Variants in TBC1D12 observed in about 807,000 individuals in gnomAD.
The protein encoded by TBC1D12 is TBC1 domain family, member 12.
A neutral mutation model predicts 86.7 loss-of-function variants in TBC1D12; 56 were observed. That is an observed-to-expected ratio of 0.65 (90% CI 0.52 to 0.81). TBC1D12 has a LOEUF of 0.81. Ranked by LOEUF, TBC1D12 falls within the 30% of genes least tolerant of loss-of-function variation. The pLI is 0.00. For missense variants in TBC1D12, 1,023 were observed against 1,038.8 expected, an observed-to-expected ratio of 0.98 and a Z score of 0.21; for synonymous variants, 421 against 411.7, an observed-to-expected ratio of 1.02 and a Z score of -0.27.
chr10:94,501,341 A>G (rs1198294773), intron 6 of TBC1D12: 1 of 150,482 alleles, frequency 6.6e-6, no homozygotes, highest in Non-Finnish European at 1.5e-5. Context: ...CTGAGGCAGG[A>G]GAATTGCTTG....
At chr10:94,497,259 T>G (rs1480176363) in intron 5 of TBC1D12, 87 bp downstream of exon 5, 1 of 722,536 alleles carries the variant, frequency 1.4e-6, no homozygotes, top group Non-Finnish European at 2.1e-6. Context: ...ATTATTATAC[T>G]TTAAGTTTTA....
At chr10:94,487,861 TGGTTTTTTTTTTGTTTTTTTAGTAA>T (rs2056190760) in intron 3 of TBC1D12, among the ~76,000 whole-genome samples, 1 of 127,286 alleles carries the variant, frequency 7.9e-6, no homozygotes, top group Admixed American at 7.7e-5. Context: ...CATACCCAGC[TGGTTTTTTTTTTGTTTTTTTAGTAA>T]GGATGAAGTC....
intron 11 of TBC1D12, among the ~76,000 whole-genome samples, chr10:94,527,922 A>G (rs1842336606): frequency 6.6e-6 from 1 of 151,502 alleles, no homozygotes; most frequent in African/African-American, 2.4e-5. Flanking sequence ...ATTCTGTGCC[A>G]TTTTTCTATG....
intron 1 of TBC1D12, among the ~76,000 whole-genome samples, chr10:94,412,920 T>C (rs920946101): frequency 2.0e-5 from 3 of 152,196 alleles, no homozygotes; most frequent in Admixed American, 6.5e-5. Flanking sequence ...TTGTTAAGAA[T>C]GCAGATTCCT....
chr10:94,530,829 A>T (rs966382140), intron 11 of TBC1D12, among the ~76,000 whole-genome samples: 2 of 147,908 alleles, frequency 1.4e-5, no homozygotes, highest in Non-Finnish European at 3.0e-5. Flanking sequence ...TTAATTTCCC[A>T]CTACTCAAGT....
chr10:94,425,038 A>G (rs2055128475), intron 1 of TBC1D12, among the ~76,000 whole-genome samples: 1 of 152,230 alleles, frequency 6.6e-6, no homozygotes, highest in African/African-American at 2.4e-5. Context: ...TGCTTCTAGT[A>G]TGAGAAAGTT....
chr10:94,413,018 C>T (rs895697080), intron 1 of TBC1D12, among the ~76,000 whole-genome samples: 17 of 152,156 alleles, frequency 1.1e-4, no homozygotes, highest in Admixed American at 1.0e-3. Context: ...GGCGATTCCC[C>T]GACTATAACC....
intron 1 of TBC1D12, among the ~76,000 whole-genome samples, chr10:94,419,370 T>C (rs2055044965): frequency 6.6e-6 from 1 of 152,088 alleles, no homozygotes. Flanking sequence ...TAACCTGCAT[T>C]TTAGATTCAA....
At chr10:94,427,992 G>T (rs1265971455) in intron 1 of TBC1D12, among the ~76,000 whole-genome samples, 3 of 152,118 alleles carry the variant, frequency 2.0e-5, no homozygotes, top group African/African-American at 7.2e-5. Flanking sequence ...AAATAAATTT[G>T]TATATTTGAA....
chr10:94,495,176 A>G (rs1334847016), intron 4 of TBC1D12, among the ~76,000 whole-genome samples: 1 of 151,200 alleles, frequency 6.6e-6, no homozygotes, highest in African/African-American at 2.4e-5. Flanking sequence ...GGTGCCCGCC[A>G]CCAGGCCCAG....
At chr10:94,415,578 A>C (rs1007460661) in intron 1 of TBC1D12, among the ~76,000 whole-genome samples, 22 of 152,112 alleles carry the variant, frequency 1.4e-4, no homozygotes, top group Non-Finnish European at 1.5e-5. Flanking sequence ...GTAAAAATAC[A>C]AAAAAACTAG....
rs1160798023 is a variant in TBC1D12 at position 94,402,776 on chromosome 10, G to C, written c.163G>C (p.Glu55Gln). 3 of 1,529,064 alleles carry C rather than the reference G, an allele frequency of 2.0e-6. No individual in the cohort carries two copies. In the South Asian group the frequency reaches 3.6e-5, roughly 18 times the overall value. The allele number at this position is 1,529,064 out of a possible 1,614,324, so 94.7% of individuals were successfully genotyped here. Residue 55 changes from glutamate (E) to glutamine (Q), a missense_variant, in exon 1 of 13, where the codon GAG (glutamate) becomes CAG (glutamine). Around this residue, in one of 2 missense-constraint regions of TBC1D12, gnomAD observed 628 missense variants for 531.1 expected, o/e 1.18. Coordinates refer to ENST00000225235, the MANE Select transcript of TBC1D12 (RefSeq NM_015188.2). ...GGAGCCGCCGGAGGAGGCTGACGAG[G>C]AGGAGGAGGCTGACGAGGAGGAGGA... Reference protein sequence around the residue: ...AVEPPEEADEEEEADEEEETP... With the variant: ...AVEPPEEADEQEEADEEEETP...
chr10:94,450,463 A>T (rs2055533622), intron 2 of TBC1D12, among the ~76,000 whole-genome samples: 3 of 152,066 alleles, frequency 2.0e-5, no homozygotes, highest in Admixed American at 2.0e-4. Context: ...GGATCTGTTT[A>T]GCTAATAGGA....
chr10:94,429,506 C>A (rs1013121790), intron 1 of TBC1D12, among the ~76,000 whole-genome samples: 43 of 152,048 alleles, frequency 2.8e-4, no homozygotes, highest in African/African-American at 9.7e-4. Flanking sequence ...CCAGAATACT[C>A]AAGGGTAACC....
intron 9 of TBC1D12, among the ~76,000 whole-genome samples, chr10:94,518,963 T>C (rs1247467895): frequency 1.3e-5 from 2 of 152,084 alleles, no homozygotes; most frequent in Non-Finnish European, 2.9e-5. Flanking sequence ...TATTCCCAGC[T>C]GTTCGGGAGG....
intron 1 of TBC1D12, among the ~76,000 whole-genome samples, chr10:94,417,329 AG>A (rs1247964545): frequency 2.0e-5 from 3 of 152,340 alleles, no homozygotes; most frequent in East Asian, 3.9e-4. Context: ...CTCTGCAAGA[AG>A]GGGTGGTTAA....
At chr10:94,499,134 A>G (rs569917451) in intron 5 of TBC1D12, among the ~76,000 whole-genome samples, 15 of 152,348 alleles carry the variant, frequency 9.8e-5, no homozygotes, top group Non-Finnish European at 2.1e-4. Flanking sequence ...TAACACATCC[A>G]TCAGCTCACG....
At chr10:94,526,821 A>G (rs939991254) in intron 11 of TBC1D12, among the ~76,000 whole-genome samples, 16 of 152,200 alleles carry the variant, frequency 1.1e-4, no homozygotes, top group Admixed American at 8.5e-4. Flanking sequence ...ACTGTTCTCC[A>G]TAGTGGCTGT....
chr10:94,531,699 G>GTTATGTTATT (rs879864823), intron 12 of TBC1D12, among the ~76,000 whole-genome samples: 4 of 109,562 alleles, frequency 3.7e-5, no homozygotes, highest in Admixed American at 9.6e-5. Context: ...GTTATTTTAT[G>GTTATGTTATT]TTATGTTATT....
Sources: gnomAD v4.1 joint callset for allele counts (sites outside exome capture counted in the v4.1 genomes callset) on GRCh38, gnomAD v4.1.1 for gene constraint, gnomAD v4.1.1 regional missense constraint, MANE v1.5 for transcripts, NCBI Gene and HGNC (gene_info 2026-07-23, HGNC 2026-07-21) for gene names.